The following DNAH17 variants were observed in gnomAD, a reference collection of about 807,000 sequenced individuals.
DNAH17 encodes the protein axonemal beta dynein heavy chain 17.
DNAH17 carries 376 observed loss-of-function variants against 485.6 expected under a neutral mutation model. The observed-to-expected ratio is 0.77, with a 90% CI of 0.71 to 0.84. DNAH17 has a LOEUF of 0.84. Ranked by LOEUF, DNAH17 falls within the 40% of genes least tolerant of loss-of-function variation. DNAH17 has a pLI of 0.00. For missense variants in DNAH17, 6,370 were observed against 5,839.3 expected (o/e 1.09, Z -2.96); for synonymous variants, 3,031 against 2,405.9 (o/e 1.26, Z -7.60).
At chr17:78,572,586 G>C in intron 3 of DNAH17, 115 bp downstream of exon 3, 1 of 979,532 alleles carries the variant, frequency 1.0e-6, no homozygotes, top group Non-Finnish European at 1.4e-6. Context: ...AACATGTGAA[G>C]CCACTCTGCA....
chr17:78,483,423 A>G, intron 48 of DNAH17, among the ~76,000 whole-genome samples: 1 of 152,126 alleles, frequency 6.6e-6, no homozygotes, highest in Non-Finnish European at 1.5e-5. Context: ...TGAGGTCAGG[A>G]GTTAGAGACC....
chr17:78,475,623 C>T (rs2088979015), intron 53 of DNAH17, 46 bp downstream of exon 53: 8 of 1,608,632 alleles, frequency 5.0e-6, no homozygotes, highest in Non-Finnish European at 5.9e-6. Context: ...GAGAGGGTGA[C>T]CCGGTCCAGG....
intron 11 of DNAH17, among the ~76,000 whole-genome samples, chr17:78,564,099 T>C (rs1041612695): frequency 2.0e-5 from 3 of 152,098 alleles, no homozygotes; most frequent in South Asian, 2.1e-4. Context: ...AGAGGTCGGG[T>C]TGGGTTTCTT....
chr17:78,447,500 GC>G (rs1332397751), intron 69 of DNAH17, among the ~76,000 whole-genome samples: 1 of 152,204 alleles, frequency 6.6e-6, no homozygotes, highest in Non-Finnish European at 1.5e-5. Context: ...AGGGGCAATG[GC>G]CACTGCCATC....
chr17:78,546,611 A>C (rs2091770651), intron 16 of DNAH17, among the ~76,000 whole-genome samples: 1 of 152,168 alleles, frequency 6.6e-6, no homozygotes, highest in South Asian at 2.1e-4. Flanking sequence ...CTAATTTTGG[A>C]AATAAAAATT....
intron 36 of DNAH17, chr17:78,499,378 G>A (rs2090191147): frequency 3.1e-6 from 1 of 324,300 alleles, no homozygotes; most frequent in Non-Finnish European, 5.6e-6. Context: ...TCCCTAATAA[G>A]GGGCTCAGAC....
At position 78,501,254 on chromosome 17, in the gene DNAH17, C is replaced by T. The variant is rs769714182; in HGVS notation, c.5413G>A (p.Ala1805Thr). ...TACTCATAGGAATACTGGATTTGGGCATCGCAGATGTTGGCAAAGCAGTGT... is the reference window on the plus strand; with the variant it reads ...TACTCATAGGAATACTGGATTTGGGTATCGCAGATGTTGGCAAAGCAGTGT... The part of the protein sequence containing the change: ...KRHCFANICD[A>T]QIQYSYEYLG... Residue 1805 changes from alanine to threonine, a missense_variant, in exon 35 of 81, where the codon GCC becomes ACC. Ala to Thr is a moderately conservative substitution (Grantham distance 58). Coordinates refer to ENST00000389840, the MANE Select transcript of DNAH17 (RefSeq NM_173628.4). 5.6e-6 allele frequency: 9 copies of T among 1,608,952 alleles called. No individual in the cohort carries two copies. Among genetic ancestry groups the T allele is most frequent in the East Asian group, 2.2e-5 (1 of 44,692 alleles).
chr17:78,455,602 C>T, intron 63 of DNAH17, 42 bp downstream of exon 63: 2 of 1,444,380 alleles, frequency 1.4e-6, no homozygotes, highest in Non-Finnish European at 1.8e-6. Flanking sequence ...GCTGGCATTA[C>T]AGGCGTGAGC....
At chr17:78,554,648 T>C (rs542440479) in intron 14 of DNAH17, among the ~76,000 whole-genome samples, 4 of 152,278 alleles carry the variant, frequency 2.6e-5, no homozygotes, top group South Asian at 2.1e-4. Context: ...TCTTGTTTCA[T>C]GACTTCTCTA....
chr17:78,462,091 G>A (rs1016597320), intron 57 of DNAH17, among the ~76,000 whole-genome samples: 3 of 152,060 alleles, frequency 2.0e-5, no homozygotes, highest in Admixed American at 1.3e-4. Context: ...AGGATCACTT[G>A]AGCCCAGGAA....
In DNAH17 at chr17:78,423,856, C is replaced by T. The variant is rs2086216531; in HGVS notation, c.*50G>A. 6.2e-7 allele frequency: 1 copy of T among 1,604,504 alleles called. No individual in the cohort carries two copies. Reference sequence around the variant, plus strand: ...AAGTCACAGGTGCACAGGTGAAGGGCTGAGTTGTGGTCCAGCCCCAGGGAG... The same window carrying T: ...AAGTCACAGGTGCACAGGTGAAGGGTTGAGTTGTGGTCCAGCCCCAGGGAG... On this transcript the variant is annotated 3_prime_UTR_variant, in exon 81 of 81. Coordinates refer to ENST00000389840, the MANE Select transcript of DNAH17 (RefSeq NM_173628.4).
intron 69 of DNAH17, among the ~76,000 whole-genome samples, chr17:78,448,858 A>G (rs1022948697): frequency 6.6e-6 from 1 of 152,220 alleles, no homozygotes; most frequent in Non-Finnish European, 1.5e-5. Context: ...CAGCACTTTC[A>G]TATGGAACTT....
In DNAH17 at chr17:78,529,511, G is replaced by A. The variant is rs777705967; in HGVS notation, c.3468C>T (p.Tyr1156=). 27 of 1,613,778 alleles carry A rather than the reference G, an allele frequency of 1.7e-5. No homozygotes were observed. The highest frequency in any genetic ancestry group is 1.6e-4 in the Middle Eastern group (1 of 6,082). The stretch of plus-strand genomic sequence containing the variant: ...GGATCTCCTCTGGCATCTCCTCCCC[G>A]TAGGTCTTGAGCAGCTCGATGGTTT... ...LKQTIELLKT[Y]GEEMPEEIHL... The change falls in exon 22 of 81, where the codon TAC becomes TAT. Residue 1156 remains tyrosine (Y), a synonymous_variant. Coordinates refer to ENST00000389840, the MANE Select transcript of DNAH17 (RefSeq NM_173628.4).
chr17:78,568,835 T>C (rs941671722), intron 9 of DNAH17, among the ~76,000 whole-genome samples: 20 of 152,316 alleles, frequency 1.3e-4, no homozygotes, highest in Admixed American at 4.6e-4. Flanking sequence ...TAAGTCTCCA[T>C]TTGTAATAAT....
chr17:78,509,652 T>C (rs8066369), intron 27 of DNAH17, among the ~76,000 whole-genome samples: 31,005 of 152,044 alleles, frequency 0.2, 3,360 homozygotes, highest in East Asian at 0.37. Context: ...CGGTAGCCAG[T>C]GGCGCATTAA....
chr17:78,508,800 A>AT (rs1458851603), intron 27 of DNAH17, among the ~76,000 whole-genome samples: 1 of 151,870 alleles, frequency 6.6e-6, no homozygotes, highest in African/African-American at 2.4e-5. Flanking sequence ...TTTTATTTTT[A>AT]TTTTTTTAAA....
At position 78,459,020 on chromosome 17, in the gene DNAH17, C is replaced by T. The variant is rs766914425; in HGVS notation, c.9842G>A (p.Arg3281Gln). 1.9e-5 allele frequency: 31 copies of T among 1,613,992 alleles called. No individual in the cohort carries two copies. The highest frequency in any genetic ancestry group is 4.5e-5 in the East Asian group (2 of 44,888). ...ELAEAQEKLSRIKNKIAELNA... is the reference protein window; with the variant it reads ...ELAEAQEKLSQIKNKIAELNA... ...ACTTACGGCAATCTTGTTTTTGATC[C>T]GGGACAGCTTCTCTTGTGCCTCTGC... Residue 3281 changes from arginine (R) to glutamine (Q), a missense_variant, in exon 61 of 81, where the codon CGG becomes CAG. Transcript: ENST00000389840.
At chr17:78,449,323 G>A (rs891810793) in intron 69 of DNAH17, 91 bp downstream of exon 69, 1 of 1,345,766 alleles carries the variant, frequency 7.4e-7, no homozygotes, top group Non-Finnish European at 1.0e-6. Flanking sequence ...TTGGGTGGGG[G>A]CCCAACAATC....
At position 78,456,450 on chromosome 17, in the gene DNAH17, C is replaced by G. The variant is rs16971419; in HGVS notation, c.9978-614G>C. Among the ~76,000 whole-genome samples the G allele has an allele frequency of 7.4e-3, 1,121 of 152,334 alleles. 16 individuals are homozygous for G. The highest frequency in any genetic ancestry group is 0.025 in the African/African-American group (1,032 of 41,570). On this transcript the variant is annotated intron_variant, in intron 62 of 80. Coordinates refer to ENST00000389840, the MANE Select transcript of DNAH17 (RefSeq NM_173628.4). Reference sequence around the variant, plus strand: ...TGGCTGATGCCATTTGATTGCCTCTCTCCTGTGCTGAAGATGCTGCCAGAT... The same window carrying G: ...TGGCTGATGCCATTTGATTGCCTCTGTCCTGTGCTGAAGATGCTGCCAGAT...
Sources: allele counts gnomAD v4.1 joint callset (sites outside exome capture counted in the v4.1 genomes callset), GRCh38; gene constraint gnomAD v4.1.1; transcripts MANE v1.5; gene names NCBI Gene and HGNC (gene_info 2026-07-23, HGNC 2026-07-21).